NUP85: variants seen among roughly 807,000 people sequenced by gnomAD.
NUP85 encodes the protein nucleoporin 85, also known as nuclear pore complex protein Nup85.
Under a neutral mutation model 92.8 loss-of-function variants are expected in NUP85, and 23 were observed. The ratio of observed to expected loss-of-function variants is 0.25; its 90% CI spans 0.18 to 0.35. NUP85 has a LOEUF of 0.35. Among genes scored for constraint, NUP85 ranks in the 10% least tolerant of loss-of-function variants. NUP85 has a pLI of 1.00. For missense variants in NUP85, 759 were observed against 822.8 expected (o/e 0.92, Z 0.95); for synonymous variants, 314 against 306.9 (o/e 1.02, Z -0.24).
In NUP85 at chr17:75,231,433, C is replaced by CG. The variant is rs773775576; in HGVS notation, c.1178+13dup. 1.6e-5 allele frequency: 26 copies of CG among 1,613,810 alleles called. No individual in the cohort carries two copies. In the African/African-American group the frequency reaches 3.3e-4, roughly 21 times the overall value. On this transcript the variant is annotated intron_variant, in intron 12 of 18. Coordinates refer to ENST00000245544, the MANE Select transcript of NUP85 (RefSeq NM_024844.5). The surrounding 1 kb of genome is among the most constrained non-coding windows in gnomAD (Gnocchi z 4.6). ...AGTCACACAACCTCTAGTAAGTGGC[C>CG]GGGAGGCACCGATCCTCCTCTTCTT...
chr17:75,212,110 G>GTGTGTGTGTGTGTT lies in NUP85; in HGVS notation c.361+48_361+49insTGTGTGTGTGTGTT, dbSNP rs56406015. ...CGCGTGTGTGTGTGTGTGTGTGTGT[G>GTGTGTGTGTGTGTT]GGTATTTTGAGTATTTATCTATGCA... On this transcript the variant is annotated intron_variant, in intron 4 of 18. Coordinates refer to ENST00000245544, the MANE Select transcript of NUP85 (RefSeq NM_024844.5). 9.6e-4 allele frequency: 1,003 copies of GTGTGTGTGTGTGTT among 1,046,524 alleles called. 7 individuals are homozygous for GTGTGTGTGTGTGTT. In the African/African-American group the frequency reaches 0.013, roughly 14 times the overall value. The allele number at this position is 1,046,524 out of a possible 1,614,324, so 64.8% of individuals were successfully genotyped here. A position where few individuals can be genotyped will look rare whatever the true frequency, so the allele number is the denominator to read the frequency against.
chr17:75,227,985 T>C (rs187212893), intron 11 of NUP85: 8 of 159,340 alleles, frequency 5.0e-5, no homozygotes, highest in Non-Finnish European at 9.4e-5. Context: ...CCTGTAAACA[T>C]TGTGAGAAGT....
intron 11 of NUP85, among the ~76,000 whole-genome samples, chr17:75,229,729 G>A (rs1598334508): frequency 6.6e-6 from 1 of 152,180 alleles, no homozygotes. Context: ...TGCTCTCAGT[G>A]CTTGCTGCCT....
At position 75,215,792 on chromosome 17, in the gene NUP85, G is replaced by A. The variant is rs758513851; in HGVS notation, c.444G>A (p.Leu148=). The change falls in exon 6 of 19, where the codon CTG becomes CTA. Residue 148 remains leucine, a synonymous_variant. Transcript: ENST00000245544. ...CAGCAATGGAGCTCATCTGGAACCT[G>A]TGTGAGATTCTTTTTATTGAAGTGG... is the stretch of plus-strand genomic sequence containing the variant. ...ILSAMELIWN[L]CEILFIEVAP... The A allele has an allele frequency of 1.2e-6, 2 of 1,614,032 alleles. No homozygotes were observed. Among genetic ancestry groups the A allele is most frequent in the East Asian group, 2.2e-5 (1 of 44,876 alleles).
In NUP85 at chr17:75,210,004, G is replaced by A; in HGVS notation, c.290+19G>A. On this transcript the variant is annotated intron_variant, in intron 3 of 18. Coordinates refer to ENST00000245544, the MANE Select transcript of NUP85 (RefSeq NM_024844.5). ...AATCTCAGTAAGTTGGTTGCTGTTTGGTGTTGAAGCCCACACTACACTGTG... is the reference window on the plus strand; with the variant it reads ...AATCTCAGTAAGTTGGTTGCTGTTTAGTGTTGAAGCCCACACTACACTGTG... The A allele has an allele frequency of 6.3e-7, 1 of 1,587,550 alleles. No individual in the cohort carries two copies. The highest frequency in any genetic ancestry group is 8.5e-7 in the Non-Finnish European group (1 of 1,173,816).
intron 6 of NUP85, 34 bp from the exon 7 acceptor site, chr17:75,218,150 AG>A (rs1483231480): frequency 1.2e-6 from 2 of 1,612,968 alleles, no homozygotes; most frequent in Admixed American, 3.3e-5. Context: ...GATGAAGCTG[AG>A]GCTTTTGTGT....
intron 7 of NUP85, among the ~76,000 whole-genome samples, chr17:75,220,886 T>TTC (rs1400641857): frequency 6.8e-6 from 1 of 147,298 alleles, no homozygotes; most frequent in East Asian, 2.0e-4. Context: ...CAATTTTTTT[T>TTC]TTTTTTTTTT....
At chr17:75,208,313 C>G in intron 1 of NUP85, 1 of 473,168 alleles carries the variant, frequency 2.1e-6, no homozygotes, top group Non-Finnish European at 3.7e-6. Context: ...GGTGTGGTTG[C>G]ACACACCTGT....
intron 11 of NUP85, among the ~76,000 whole-genome samples, chr17:75,227,656 G>T (rs1369390475): frequency 1.4e-4 from 21 of 145,656 alleles, no homozygotes; most frequent in African/African-American, 2.8e-4. Flanking sequence ...TTTTTTTTTT[G>T]AAACAGGGTC....
At chr17:75,213,622 G>A (rs2075338513) in intron 5 of NUP85, among the ~76,000 whole-genome samples, 1 of 151,946 alleles carries the variant, frequency 6.6e-6, no homozygotes, top group Admixed American at 6.6e-5. Context: ...GAACATATAT[G>A]TCCTGACCAA....
At position 75,235,424 on chromosome 17, in the gene NUP85, T is replaced by C. The variant is rs1379068829; in HGVS notation, c.1870-154T>C. On this transcript the variant is annotated intron_variant, in intron 18 of 18. Coordinates refer to ENST00000245544, the MANE Select transcript of NUP85 (RefSeq NM_024844.5). The stretch of plus-strand genomic sequence containing the variant: ...TCTTTGCTGTTCATCATTTCCAGTA[T>C]GGCCCTTTGGTATTGCTTTCTTTTA... 5 of 622,766 alleles carry C rather than the reference T, an allele frequency of 8.0e-6. No homozygotes were observed. The South Asian group carries it at 8.1e-5, about 10-fold the overall frequency. 38.6% of individuals were successfully genotyped at this position (622,766 alleles called of 1,614,324 possible).
chr17:75,224,991 C>A, intron 7 of NUP85, 112 bp from the exon 8 acceptor site: 2 of 1,073,294 alleles, frequency 1.9e-6, no homozygotes, highest in Non-Finnish European at 2.6e-6. Flanking sequence ...CAGAAAGAAG[C>A]CTGTGTGTGA....
Position 75,231,478 on chromosome 17 carries a change from T to C in NUP85, c.1178+55T>C. On this transcript the variant is annotated intron_variant, in intron 12 of 18. Coordinates refer to ENST00000245544, the MANE Select transcript of NUP85 (RefSeq NM_024844.5). The surrounding 1 kb of genome is among the most constrained non-coding windows in gnomAD (Gnocchi z 4.6). ...CTTCTTACCACCAGGCCCCCGAGGG[T>C]GGTGTGAACTGAATGCCTGAAAGGG... 19 of 1,609,064 alleles carry C rather than the reference T, an allele frequency of 1.2e-5. No individual in the cohort carries two copies. The highest frequency in any genetic ancestry group is 1.5e-5 in the Non-Finnish European group (18 of 1,175,622).
intron 7 of NUP85, among the ~76,000 whole-genome samples, chr17:75,218,627 G>T (rs2075506954): frequency 7.0e-6 from 1 of 141,976 alleles, no homozygotes; most frequent in South Asian, 2.3e-4. Context: ...TCTCGGCTGG[G>T]TGCGGTGGCT....
intron 4 of NUP85, 142 bp from the exon 5 acceptor site, chr17:75,212,934 C>A: frequency 2.4e-6 from 2 of 833,890 alleles, no homozygotes; most frequent in Non-Finnish European, 3.7e-6. Flanking sequence ...CAAAAAAATC[C>A]ATAATTAAAA....
chr17:75,208,647 C>A (rs760878384), intron 2 of NUP85, 27 bp downstream of exon 2: 1 of 1,276,512 alleles, frequency 7.8e-7, no homozygotes. Context: ...TCCAAATTAT[C>A]CATCTTGGCA....
chr17:75,234,831 C>T (rs1262530733), intron 17 of NUP85, 43 bp downstream of exon 17: 3 of 1,608,966 alleles, frequency 1.9e-6, no homozygotes, highest in Middle Eastern at 1.6e-4. Flanking sequence ...TTGTCAGTCC[C>T]TGCTAGAGCT....
At chr17:75,229,057 C>T (rs2075938591) in intron 11 of NUP85, 5 of 985,346 alleles carry the variant, frequency 5.1e-6, no homozygotes. Context: ...CTGGGGTGCA[C>T]TTCACTGGGA....
chr17:75,215,826 A>T lies in NUP85; in HGVS notation c.475+3A>T. The T allele has an allele frequency of 6.2e-7, 1 of 1,613,080 alleles. No homozygotes were observed. The highest frequency in any genetic ancestry group is 2.2e-5 in the East Asian group (1 of 44,876). On this transcript the variant is annotated splice_donor_region_variant and intron_variant, in intron 6 of 18. Transcript: ENST00000245544. ...TCTTTTTATTGAAGTGGCCCCAGGT[A>T]GGCATGGAATATCTCACCATAATCT...
Sources: allele counts gnomAD v4.1 joint callset (sites outside exome capture counted in the v4.1 genomes callset), GRCh38; gene constraint gnomAD v4.1.1; non-coding constraint Gnocchi (gnomAD v3.1); transcripts MANE v1.5; gene names NCBI Gene and HGNC (gene_info 2026-07-23, HGNC 2026-07-21).